The following RBFOX1 variants were observed in gnomAD, a reference collection of about 807,000 sequenced individuals.
RBFOX1 encodes the protein RNA binding protein fox-1 homolog 1.
RBFOX1 carries 8 observed loss-of-function variants against 57.7 expected under a neutral mutation model. The observed-to-expected ratio is 0.14, with a 90% CI of 0.08 to 0.25. RBFOX1 has a LOEUF of 0.25. Ranked by LOEUF, RBFOX1 falls within the 10% of genes least tolerant of loss-of-function variation. The probability of loss-of-function intolerance (pLI) is 1.00; values close to 1 mark genes in which losing one functional copy is unlikely to be tolerated. For missense variants in RBFOX1, 611 were observed against 548.5 expected, an observed-to-expected ratio of 1.11 and a Z score of -1.14; for synonymous variants, 326 against 222.4, an observed-to-expected ratio of 1.47 and a Z score of -4.15.
chr16:7,550,446 G>C (rs572594734), intron 5 of RBFOX1, among the ~76,000 whole-genome samples: 1 of 152,272 alleles, frequency 6.6e-6, no homozygotes, highest in South Asian at 2.1e-4. Context: ...CAGCAGAGCC[G>C]TGTTGTCCCA....
At chr16:5,739,734 C>T (rs1425465399) in intron 3 of RBFOX1, among the ~76,000 whole-genome samples, 5 of 152,208 alleles carry the variant, frequency 3.3e-5, no homozygotes, top group Non-Finnish European at 7.3e-5. Flanking sequence ...GACAGGAAAT[C>T]CTGTGTTGTA....
chr16:6,275,905 C>T (rs1272091438), intron 1 of RBFOX1, among the ~76,000 whole-genome samples: 4 of 152,156 alleles, frequency 2.6e-5, no homozygotes, highest in Non-Finnish European at 5.9e-5. Flanking sequence ...AACCCTAATA[C>T]TTCCCTCCCC....
In RBFOX1 at chr16:7,391,732, C is replaced by T. The variant is rs555640506; in HGVS notation, c.28-126415C>T. Among the ~76,000 whole-genome samples, 6 of 152,156 alleles carry T rather than the reference C, an allele frequency of 3.9e-5. No homozygotes were observed. In the South Asian group the frequency reaches 6.2e-4, roughly 16 times the overall value. ...GGACCAAATGTGTTTTTTCTTCCTA[C>T]GCATCCTCAGCATATGTGCCTTTTA... On this transcript the variant is annotated intron_variant, in intron 4 of 15. Coordinates refer to ENST00000550418, the MANE Select transcript of RBFOX1 (RefSeq NM_018723.4).
intron 3 of RBFOX1, among the ~76,000 whole-genome samples, chr16:6,818,341 G>A (rs1010872751): frequency 2.6e-5 from 4 of 151,990 alleles, no homozygotes; most frequent in East Asian, 1.9e-4. Context: ...TGTGACATAC[G>A]GAGCTCACCT....
intron 4 of RBFOX1, among the ~76,000 whole-genome samples, chr16:5,995,008 G>C (rs1038894713): frequency 6.6e-6 from 1 of 152,194 alleles, no homozygotes. Flanking sequence ...CAGGAGGAAA[G>C]GTTGGGAGAT....
intron 3 of RBFOX1, among the ~76,000 whole-genome samples, chr16:6,802,123 TC>T (rs1483473208): frequency 1.3e-5 from 2 of 152,072 alleles, no homozygotes; most frequent in Non-Finnish European, 2.9e-5. Flanking sequence ...TCCTTCAGTA[TC>T]TTGTCAGGAT....
intron 4 of RBFOX1, among the ~76,000 whole-genome samples, chr16:7,404,968 G>C (rs2148908489): frequency 6.6e-6 from 1 of 152,238 alleles, no homozygotes; most frequent in East Asian, 1.9e-4. Context: ...CCCTCTAGTA[G>C]AGATGATTTT....
At chr16:6,863,781 T>G (rs542628855) in intron 3 of RBFOX1, among the ~76,000 whole-genome samples, 23 of 124,704 alleles carry the variant, frequency 1.8e-4, no homozygotes, top group African/African-American at 6.3e-4. Flanking sequence ...CTTACAGAGG[T>G]AATAAACCTT....
At chr16:6,673,561 G>A (rs1406693135) in intron 3 of RBFOX1, among the ~76,000 whole-genome samples, 7 of 152,090 alleles carry the variant, frequency 4.6e-5, no homozygotes, top group Non-Finnish European at 7.4e-5. Flanking sequence ...CCTACATTGC[G>A]CCACTGCACT....
At chr16:6,406,398 AG>A (rs2093281740) in intron 2 of RBFOX1, among the ~76,000 whole-genome samples, 2 of 152,332 alleles carry the variant, frequency 1.3e-5, no homozygotes, top group African/African-American at 2.4e-5. Context: ...CTCTGCCAAA[AG>A]AACATAAAAC....
chr16:7,166,360 C>T (rs1016517478), intron 4 of RBFOX1, among the ~76,000 whole-genome samples: 3 of 151,982 alleles, frequency 2.0e-5, no homozygotes, highest in African/African-American at 7.3e-5. Context: ...CAGCAAATAG[C>T]TTGTGAGCTT....
chr16:6,754,832 C>G (rs2075530379), intron 3 of RBFOX1, among the ~76,000 whole-genome samples: 1 of 152,054 alleles, frequency 6.6e-6, no homozygotes, highest in Non-Finnish European at 1.5e-5. Context: ...TTAGGTATAT[C>G]TCCTAAAGCT....
chr16:7,464,346 G>C (rs2060107351), intron 4 of RBFOX1, among the ~76,000 whole-genome samples: 1 of 152,072 alleles, frequency 6.6e-6, no homozygotes, highest in African/African-American at 2.4e-5. Flanking sequence ...GGTGAACGCT[G>C]ACTCTTTTCC....
chr16:5,626,160 G>A (rs1353238396), intron 3 of RBFOX1, among the ~76,000 whole-genome samples: 4 of 152,204 alleles, frequency 2.6e-5, no homozygotes, highest in East Asian at 1.9e-4. Flanking sequence ...GATTACAGGC[G>A]TGAGCCACCA....
At chr16:7,060,715 G>C (rs1345764306) in intron 4 of RBFOX1, among the ~76,000 whole-genome samples, 1 of 152,124 alleles carries the variant, frequency 6.6e-6, no homozygotes, top group Non-Finnish European at 1.5e-5. Context: ...CCCAAGGAGG[G>C]TGACATTTCC....
At chr16:5,721,606 C>G (rs1276110991) in intron 3 of RBFOX1, among the ~76,000 whole-genome samples, 1 of 152,160 alleles carries the variant, frequency 6.6e-6, no homozygotes, top group Admixed American at 6.5e-5. Flanking sequence ...GGAGTGTTTT[C>G]ATAGATTCCC....
chr16:6,433,605 C>T (rs374450403), intron 2 of RBFOX1, among the ~76,000 whole-genome samples: 23 of 152,146 alleles, frequency 1.5e-4, no homozygotes, highest in Non-Finnish European at 1.9e-4. Context: ...GTATTATCCT[C>T]GGGTTCTAGA....
chr16:7,417,375 AG>A lies in RBFOX1; in HGVS notation c.28-100771del, dbSNP rs67857726. Among the ~76,000 whole-genome samples the A allele has an allele frequency of 6.8e-3, 1,014 of 149,758 alleles. 66 individuals are homozygous for A. The highest frequency in any genetic ancestry group is 0.023 in the African/African-American group (929 of 40,724). On this transcript the variant is annotated intron_variant, in intron 4 of 15. Coordinates refer to ENST00000550418, the MANE Select transcript of RBFOX1 (RefSeq NM_018723.4). ...GCAACAGAGCGAGACTCTGTGTCAA[AG>A]AAAAAAAAAAAAAAGAGATGACCCC...
At chr16:5,421,846 C>T (rs62016384) in intron 1 of RBFOX1, among the ~76,000 whole-genome samples, 41,802 of 151,870 alleles carry the variant, frequency 0.28, 6,009 homozygotes, top group Middle Eastern at 0.33. Flanking sequence ...TGAGCAAATC[C>T]AGACGGCACC....
Sources: gnomAD v4.1 joint callset for allele counts (sites outside exome capture counted in the v4.1 genomes callset) on GRCh38, gnomAD v4.1.1 for gene constraint, MANE v1.5 for transcripts, NCBI Gene and HGNC (gene_info 2026-07-23, HGNC 2026-07-21) for gene names.